Variants in MRPL1 observed in about 807,000 individuals in gnomAD.
MRPL1 encodes the protein large ribosomal subunit protein uL1m.
Under a neutral mutation model 38.0 loss-of-function variants are expected in MRPL1, and 28 were observed. The observed-to-expected ratio is 0.74, with a 90% CI of 0.55 to 1.01. The LOEUF (loss-of-function observed/expected upper bound fraction) is 1.01, where lower values mean the gene tolerates loss of function less well. Ranked by LOEUF, MRPL1 falls within the 50% of genes least tolerant of loss-of-function variation. The pLI, the probability that MRPL1 is intolerant of heterozygous loss-of-function variation, is 0.00. For synonymous variants in MRPL1, 123 were observed against 126.7 expected (o/e 0.97, Z 0.20); for missense variants, 358 against 389.8 (o/e 0.92, Z 0.69).
chr4:77,948,810 G>A (rs1174393890), intron 7 of MRPL1, among the ~76,000 whole-genome samples: 1 of 139,384 alleles, frequency 7.2e-6, no homozygotes, highest in Admixed American at 7.6e-5. Context: ...TGCTCTTGTC[G>A]CCCAGGCTGG....
chr4:77,881,363 C>T (rs1181566659), intron 2 of MRPL1, among the ~76,000 whole-genome samples: 4 of 151,810 alleles, frequency 2.6e-5, no homozygotes, highest in Admixed American at 1.3e-4. Context: ...TGATTCTATT[C>T]TATGCCTAGT....
chr4:77,912,191 G>T (rs1481704647), intron 7 of MRPL1, among the ~76,000 whole-genome samples: 2 of 152,132 alleles, frequency 1.3e-5, no homozygotes, highest in African/African-American at 4.8e-5. Context: ...AACAAGACAA[G>T]GACATCCGTC....
rs115973768 is a variant in MRPL1, at chr4:77,894,045, T to C, written c.559-94T>C. 3.3e-4 allele frequency: 241 copies of C among 733,492 alleles called. 1 individual carries two copies. The African/African-American group carries it at 3.8e-3, about 12-fold the overall frequency. The allele number at this position is 733,492 out of a possible 1,614,324, so 45.4% of individuals were successfully genotyped here. On this transcript the variant is annotated intron_variant, in intron 5 of 8. Transcript: ENST00000315567. The stretch of plus-strand genomic sequence containing the variant: ...AAAGAATTGTGCTTAATGTCTGTTT[T>C]CTGAATTATAAAGGAAATGACTACA...
intron 2 of MRPL1, among the ~76,000 whole-genome samples, chr4:77,876,612 C>T (rs887386673): frequency 1.3e-5 from 2 of 152,028 alleles, no homozygotes; most frequent in African/African-American, 4.8e-5. Flanking sequence ...TCATAGTATT[C>T]ATAATTTTAG....
chr4:77,948,737 G>T (rs753191148), intron 7 of MRPL1, among the ~76,000 whole-genome samples: 1 of 151,466 alleles, frequency 6.6e-6, no homozygotes, highest in Non-Finnish European at 1.5e-5. Context: ...TGCCTGTTAA[G>T]CTACTATAAT....
intron 7 of MRPL1, among the ~76,000 whole-genome samples, chr4:77,911,395 A>G (rs1736284332): frequency 6.6e-6 from 1 of 152,206 alleles, no homozygotes; most frequent in Admixed American, 6.5e-5. Flanking sequence ...TTAATCACTA[A>G]GTAGTAGATC....
In MRPL1 at chr4:77,864,984, G is replaced by A. The variant is rs112521376; in HGVS notation, c.31+2105G>A. ...TGGCTCATGCAACCTCTGCCTCCCG[G>A]GTTCAAGCAATTCTTGTGCCTCAGC... On this transcript the variant is annotated intron_variant, in intron 1 of 8. Coordinates refer to ENST00000315567, the MANE Select transcript of MRPL1 (RefSeq NM_020236.4). Among the ~76,000 whole-genome samples, 804 of 151,750 alleles carry A rather than the reference G, an allele frequency of 5.3e-3. 8 individuals carry two copies. The highest frequency in any genetic ancestry group is 0.018 in the African/African-American group (755 of 41,322).
At chr4:77,885,168 CA>C in intron 3 of MRPL1, 87 bp from the exon 4 acceptor site, 1 of 1,000,760 alleles carries the variant, frequency 1.0e-6, no homozygotes, top group East Asian at 2.4e-5. Context: ...ACACTGAAAA[CA>C]AAACATGTCC....
chr4:77,937,418 T>TGA (rs1737012197), intron 7 of MRPL1, among the ~76,000 whole-genome samples: 1 of 152,234 alleles, frequency 6.6e-6, no homozygotes, highest in Admixed American at 6.5e-5. Context: ...TCTAAGTACC[T>TGA]GGCCCCCAGT....
intron 2 of MRPL1, among the ~76,000 whole-genome samples, chr4:77,877,044 G>A (rs1735411337): frequency 1.3e-5 from 2 of 152,252 alleles, no homozygotes; most frequent in Middle Eastern, 6.8e-3. Flanking sequence ...GGGATTACAG[G>A]CGCGCACCAC....
intron 6 of MRPL1, among the ~76,000 whole-genome samples, chr4:77,901,454 C>A (rs1736032130): frequency 6.7e-6 from 1 of 149,642 alleles, no homozygotes. Context: ...CTCCAAGAAG[C>A]AGAGATTATA....
chr4:77,932,372 G>C (rs990723848), intron 7 of MRPL1, among the ~76,000 whole-genome samples: 1 of 152,072 alleles, frequency 6.6e-6, no homozygotes, highest in Non-Finnish European at 1.5e-5. Flanking sequence ...ACCACAAAAG[G>C]CTCCTGAATT....
At chr4:77,885,671 T>G (rs1194630117) in intron 4 of MRPL1, among the ~76,000 whole-genome samples, 1 of 152,154 alleles carries the variant, frequency 6.6e-6, no homozygotes, top group Non-Finnish European at 1.5e-5. Flanking sequence ...AGCCTCATCA[T>G]TTAATTTTTT....
In MRPL1 at chr4:77,883,447, C is replaced by A; in HGVS notation, c.349C>A (p.Pro117Thr). ...KKFQILDFTS[P>T]KQSVYLDLTL... Reference sequence around the variant, plus strand: ...ATTTCAAATTCTTGACTTTACTAGTCCAAAGCAAAGTGTTTATCTTGATTT... The same window carrying A: ...ATTTCAAATTCTTGACTTTACTAGTACAAAGCAAAGTGTTTATCTTGATTT... The change falls in exon 3 of 9, where the codon CCA becomes ACA. Residue 117 changes from proline to threonine, a missense_variant. Physicochemically the swap from Pro to Thr is conservative, Grantham distance 38. Transcript: ENST00000315567. The A allele has an allele frequency of 1.2e-6, 2 of 1,613,528 alleles. No homozygotes were observed. Among genetic ancestry groups the A allele is most frequent in the South Asian group, 1.1e-5 (1 of 91,018 alleles).
At chr4:77,937,193 A>G (rs118059941) in intron 7 of MRPL1, among the ~76,000 whole-genome samples, 17 of 152,178 alleles carry the variant, frequency 1.1e-4, no homozygotes, top group East Asian at 7.7e-4. Flanking sequence ...TTCTCTTTCA[A>G]CTGTGCCCGG....
Position 77,871,834 on chromosome 4 carries a change from G to A in MRPL1, c.122G>A (p.Arg41Lys), listed in dbSNP as rs865946090. ...SCSVNIRVPN[R>K]HFAAATKSAK... ...TCTGTAAACATCCGAGTGCCCAACA[G>A]ACATTTTGCTGCTGCTACAAAGTAA... Residue 41 changes from arginine to lysine, a missense_variant, in exon 2 of 9, where the codon AGA (arginine) becomes AAA (lysine). Arg to Lys is a conservative substitution (Grantham distance 26). Coordinates refer to ENST00000315567, the MANE Select transcript of MRPL1 (RefSeq NM_020236.4). 15 of 1,596,404 alleles carry A rather than the reference G, an allele frequency of 9.4e-6. No individual in the cohort carries two copies. Among genetic ancestry groups the A allele is most frequent in the Middle Eastern group, 1.7e-4 (1 of 6,028 alleles).
At chr4:77,918,041 G>A (rs1578053666) in intron 7 of MRPL1, among the ~76,000 whole-genome samples, 2 of 139,564 alleles carry the variant, frequency 1.4e-5, no homozygotes, top group East Asian at 4.1e-4. Context: ...GCAACAGAGC[G>A]AGACTTCATC....
chr4:77,869,636 C>G (rs1467923976), intron 1 of MRPL1, among the ~76,000 whole-genome samples: 2 of 152,034 alleles, frequency 1.3e-5, no homozygotes, highest in Non-Finnish European at 2.9e-5. Context: ...GCTCTTGTTG[C>G]CCAGGCTGGA....
rs1560461438 is a variant in MRPL1 at position 77,883,188 on chromosome 4, A to ATTT, written c.144-54_144-53insTTT. The stretch of plus-strand genomic sequence containing the variant: ...CTTATGTACACTGGCTTTTTTTTTA[A>ATTT]AAAAAATCTCTTAGGATATATATTG... On this transcript the variant is annotated intron_variant, in intron 2 of 8. Coordinates refer to ENST00000315567, the MANE Select transcript of MRPL1 (RefSeq NM_020236.4). 5.1e-4 allele frequency: 590 copies of ATTT among 1,146,740 alleles called. 4 individuals are homozygous for ATTT. In the African/African-American group the frequency reaches 9.1e-3, roughly 18 times the overall value. 71.0% of individuals were successfully genotyped at this position (1,146,740 alleles called of 1,614,324 possible). A position where few individuals can be genotyped will look rare whatever the true frequency, so the allele number is the denominator to read the frequency against.
Sources: gnomAD v4.1 joint callset for allele counts (sites outside exome capture counted in the v4.1 genomes callset) on GRCh38, gnomAD v4.1.1 for gene constraint, MANE v1.5 for transcripts, NCBI Gene and HGNC (gene_info 2026-07-23, HGNC 2026-07-21) for gene names.